The following PAQR5 variants were observed in gnomAD, a reference collection of about 807,000 sequenced individuals.
PAQR5 encodes the protein membrane progestin receptor gamma.
PAQR5 carries 20 observed loss-of-function variants against 34.5 expected under a neutral mutation model. The ratio of observed to expected loss-of-function variants is 0.58; its 90% CI spans 0.41 to 0.84. PAQR5 has a LOEUF of 0.84. Among genes scored for constraint, PAQR5 ranks in the 40% least tolerant of loss-of-function variants. The probability of loss-of-function intolerance (pLI) is 0.00; values close to 1 mark genes in which losing one functional copy is unlikely to be tolerated. For missense variants in PAQR5, 378 were observed against 412.7 expected (o/e 0.92, Z 0.73); for synonymous variants, 131 against 155.6 (o/e 0.84, Z 1.18).
At chr15:69,397,321 G>A (rs577298074) in intron 6 of PAQR5, 147 bp from the exon 7 acceptor site, 1 of 719,530 alleles carries the variant, frequency 1.4e-6, no homozygotes, top group Admixed American at 2.0e-5. Context: ...GGACGAGGCT[G>A]GTGGAGAAGC....
In PAQR5 at chr15:69,400,682, A is replaced by G. The variant is rs536847881; in HGVS notation, c.751+567A>G. 7.2e-5 allele frequency among the ~76,000 whole-genome samples: 11 copies of G among 152,286 alleles called. No homozygotes were observed. The East Asian group carries it at 1.7e-3, about 24-fold the overall frequency. On this transcript the variant is annotated intron_variant, in intron 8 of 8. Coordinates refer to ENST00000395407, the MANE Select transcript of PAQR5 (RefSeq NM_017705.4). ...GTGAGAGAGATCCTATGTGAAGAGA[A>G]AAAGTACATTGGGAGCAGCCGAGGA... is the stretch of plus-strand genomic sequence containing the variant.
intron 1 of PAQR5, among the ~76,000 whole-genome samples, chr15:69,310,663 T>C (rs1189496651): frequency 6.6e-6 from 1 of 152,216 alleles, no homozygotes; most frequent in Non-Finnish European, 1.5e-5. Context: ...GTCTGGAATA[T>C]ACATTATACG....
intron 1 of PAQR5, among the ~76,000 whole-genome samples, chr15:69,326,287 A>G (rs1010057995): frequency 6.6e-6 from 1 of 152,278 alleles, no homozygotes; most frequent in South Asian, 2.1e-4. Context: ...AGGCCTCAGC[A>G]AACCTAAGGG....
chr15:69,324,189 C>T (rs559378591), intron 1 of PAQR5, among the ~76,000 whole-genome samples: 1 of 151,182 alleles, frequency 6.6e-6, no homozygotes, highest in Non-Finnish European at 1.5e-5. Flanking sequence ...CTAAGCCAAG[C>T]TGGGAGGTCA....
At chr15:69,305,667 TGG>T (rs1322787137) in intron 1 of PAQR5, among the ~76,000 whole-genome samples, 1 of 151,912 alleles carries the variant, frequency 6.6e-6, no homozygotes, top group Non-Finnish European at 1.5e-5. Context: ...CACGCTGCCC[TGG>T]GAGGGGACAC....
chr15:69,326,827 A>G (rs1321451461), intron 1 of PAQR5, among the ~76,000 whole-genome samples: 1 of 34,312 alleles, frequency 2.9e-5, no homozygotes, highest in Non-Finnish European at 1.0e-4. Flanking sequence ...CTCCCTCCCC[A>G]CCCCCGTTAT....
intron 2 of PAQR5, among the ~76,000 whole-genome samples, chr15:69,351,891 C>T (rs192884782): frequency 5.3e-5 from 8 of 152,276 alleles, no homozygotes; most frequent in Non-Finnish European, 8.8e-5. Context: ...AAGAAAGAAG[C>T]GCATGAACAC....
At chr15:69,344,879 T>G (rs576780065) in intron 2 of PAQR5, among the ~76,000 whole-genome samples, 1 of 152,294 alleles carries the variant, frequency 6.6e-6, no homozygotes, top group East Asian at 1.9e-4. Flanking sequence ...GTGGATCACT[T>G]GAGCTCAGGA....
intron 5 of PAQR5, among the ~76,000 whole-genome samples, chr15:69,387,298 C>T (rs886327668): frequency 6.6e-6 from 1 of 152,172 alleles, no homozygotes; most frequent in Non-Finnish European, 1.5e-5. Context: ...AAGCCCTGGT[C>T]CAGGCCCCTG....
At chr15:69,383,356 AGTGG>A (rs1567033355) in intron 4 of PAQR5, among the ~76,000 whole-genome samples, 648 of 137,084 alleles carry the variant, frequency 4.7e-3, no homozygotes, top group East Asian at 0.013. Flanking sequence ...GTGGAGGGTG[AGTGG>A]GCCTTTGTGT....
At chr15:69,380,791 G>T (rs934664782) in intron 4 of PAQR5, among the ~76,000 whole-genome samples, 2 of 152,226 alleles carry the variant, frequency 1.3e-5, no homozygotes, top group Non-Finnish European at 2.9e-5. Context: ...ACCACCACTG[G>T]TCGATGTAGA....
chr15:69,324,050 T>C lies in PAQR5; in HGVS notation c.-276-13291T>C, dbSNP rs144404095. 3.0e-3 allele frequency among the ~76,000 whole-genome samples: 445 copies of C among 149,286 alleles called. 2 individuals carry two copies. The highest frequency in any genetic ancestry group is 8.6e-3 in the African/African-American group (351 of 40,584). On this transcript the variant is annotated intron_variant, in intron 1 of 8. Coordinates refer to ENST00000395407, the MANE Select transcript of PAQR5 (RefSeq NM_017705.4). ...TTTTCCATTTTTCTCTGCAATGTGC[T>C]AGGGAATATCATTCAGCTTTTTCAG...
intron 3 of PAQR5, among the ~76,000 whole-genome samples, chr15:69,371,845 C>T (rs2055571842): frequency 6.6e-6 from 1 of 152,180 alleles, no homozygotes; most frequent in South Asian, 2.1e-4. Context: ...TATCTCATAA[C>T]AAATATCAGT....
At chr15:69,353,969 C>T (rs1323541912) in intron 2 of PAQR5, among the ~76,000 whole-genome samples, 1 of 152,120 alleles carries the variant, frequency 6.6e-6, no homozygotes, top group Non-Finnish European at 1.5e-5. Context: ...TGTGGATGAC[C>T]AGGAGGAAAT....
chr15:69,391,928 G>T, intron 6 of PAQR5: 4 of 391,170 alleles, frequency 1.0e-5, no homozygotes, highest in South Asian at 7.5e-5. Context: ...GTGGTGGCAG[G>T]TACCTGTAAT....
intron 1 of PAQR5, among the ~76,000 whole-genome samples, chr15:69,319,920 G>T (rs911813786): frequency 6.6e-6 from 1 of 152,168 alleles, no homozygotes; most frequent in African/African-American, 2.4e-5. Flanking sequence ...TCTTCTCTGG[G>T]TCTCCTTCCT....
chr15:69,359,570 G>A (rs955086226), intron 2 of PAQR5, among the ~76,000 whole-genome samples: 11 of 152,134 alleles, frequency 7.2e-5, no homozygotes, highest in East Asian at 5.8e-4. Context: ...ATGGATTTTC[G>A]CAGTGCTTTT....
intron 4 of PAQR5, among the ~76,000 whole-genome samples, chr15:69,382,643 CAAA>C (rs142759309): frequency 1.3e-5 from 1 of 74,718 alleles, no homozygotes; most frequent in African/African-American, 5.9e-5. Flanking sequence ...GACTCTGTCT[CAAA>C]AAAAAAAAAA....
intron 3 of PAQR5, 68 bp downstream of exon 3, chr15:69,360,199 G>C (rs1057456310): frequency 3.3e-6 from 4 of 1,222,626 alleles, no homozygotes; most frequent in Non-Finnish European, 4.8e-6. Context: ...CCGCAATGGG[G>C]GGCTGTTGTC....
Sources: gnomAD v4.1 joint callset for allele counts (sites outside exome capture counted in the v4.1 genomes callset) on GRCh38, gnomAD v4.1.1 for gene constraint, MANE v1.5 for transcripts, NCBI Gene and HGNC (gene_info 2026-07-23, HGNC 2026-07-21) for gene names.